The following ADGRL2 variants were observed in gnomAD, a reference collection of about 807,000 sequenced individuals.
ADGRL2 encodes the protein adhesion G protein-coupled receptor L2, also known as calcium-independent alpha-latrotoxin receptor 2.
ADGRL2 carries 44 observed loss-of-function variants against 157.4 expected under a neutral mutation model. The observed-to-expected ratio is 0.28, with a 90% confidence interval of 0.22 to 0.36. ADGRL2 has a LOEUF of 0.36. Among genes scored for constraint, ADGRL2 ranks in the 10% least tolerant of loss-of-function variants. The probability of loss-of-function intolerance (pLI) is 1.00; values close to 1 mark genes in which losing one functional copy is unlikely to be tolerated. For synonymous variants in ADGRL2, 585 were observed against 624.7 expected (o/e 0.94, Z 0.95); for missense variants, 1,510 against 1,768.9 (o/e 0.85, Z 2.63).
chr1:81,352,918 A>G (rs1332359170), intron 1 of ADGRL2, among the ~76,000 whole-genome samples: 1 of 152,172 alleles, frequency 6.6e-6, no homozygotes, highest in Non-Finnish European at 1.5e-5. Flanking sequence ...GGATTTGGGA[A>G]TGGGATAGAA....
At chr1:81,602,447 G>A (rs1030180924) in intron 3 of ADGRL2, among the ~76,000 whole-genome samples, 3 of 152,004 alleles carry the variant, frequency 2.0e-5, no homozygotes, top group African/African-American at 7.3e-5. Flanking sequence ...ACAAAAAATA[G>A]CCCGGCGTGG....
rs1437325796 is a variant in ADGRL2, at chr1:81,746,381, C to T, written c.-142-15430C>T. 2.0e-5 allele frequency among the ~76,000 whole-genome samples: 3 copies of T among 152,108 alleles called. No individual in the cohort carries two copies. The East Asian group carries it at 5.8e-4, about 29-fold the overall frequency. On this transcript the variant is annotated intron_variant, in intron 1 of 20. Coordinates refer to the ADGRL2 transcript ENST00000359929. ...ACAACTCACTGCAGCCTCAACCTCT[C>T]CAGGCTCAGGCAATCCTCCCACCTC...
At chr1:81,876,279 G>T (rs931545881) in intron 2 of ADGRL2, among the ~76,000 whole-genome samples, 4 of 152,052 alleles carry the variant, frequency 2.6e-5, no homozygotes, top group Non-Finnish European at 5.9e-5. Context: ...GCGGATACTT[G>T]TAAGTTAAAT....
chr1:81,338,566 C>T (rs377644798), intron 1 of ADGRL2, among the ~76,000 whole-genome samples: 2 of 152,140 alleles, frequency 1.3e-5, no homozygotes, highest in South Asian at 2.1e-4. Context: ...AAAGAAAATA[C>T]GGATCCAAGA....
At chr1:81,810,459 C>A (rs1412475229) in intron 1 of ADGRL2, among the ~76,000 whole-genome samples, 1 of 151,776 alleles carries the variant, frequency 6.6e-6, no homozygotes, top group African/African-American at 2.4e-5. Flanking sequence ...TAAAAGCCTA[C>A]CATTTTATAG....
At chr1:81,694,077 C>T (rs1157230360) in intron 3 of ADGRL2, among the ~76,000 whole-genome samples, 2 of 152,126 alleles carry the variant, frequency 1.3e-5, no homozygotes, top group East Asian at 1.9e-4. Flanking sequence ...TCCTAAGGGA[C>T]ATAAGCATAT....
At chr1:81,829,266 A>C (rs930615882) in intron 1 of ADGRL2, among the ~76,000 whole-genome samples, 8 of 152,190 alleles carry the variant, frequency 5.3e-5, no homozygotes, top group African/African-American at 1.9e-4. Context: ...TGGGAAGCCA[A>C]AGAATCTATT....
chr1:81,507,165 T>C (rs2148057932), intron 2 of ADGRL2, among the ~76,000 whole-genome samples: 1 of 152,240 alleles, frequency 6.6e-6, no homozygotes, highest in African/African-American at 2.4e-5. Flanking sequence ...GATAGGATGC[T>C]ACTTGAGGAA....
intron 1 of ADGRL2, among the ~76,000 whole-genome samples, chr1:81,707,435 G>T (rs72718848): frequency 0.017 from 2,562 of 152,274 alleles, 32 homozygotes; most frequent in South Asian, 0.051. Flanking sequence ...ATAGGAAAAG[G>T]CCTTGATGAT....
chr1:81,748,678 G>A (rs1442327856), intron 1 of ADGRL2, among the ~76,000 whole-genome samples: 1 of 150,014 alleles, frequency 6.7e-6, no homozygotes, highest in Non-Finnish European at 1.5e-5. Context: ...TTGTTTTTTG[G>A]TTTTTTTGAG....
chr1:81,316,674 G>C (rs1660128930), intron 1 of ADGRL2, among the ~76,000 whole-genome samples: 1 of 152,138 alleles, frequency 6.6e-6, no homozygotes, highest in African/African-American at 2.4e-5. Flanking sequence ...ATTCTGGAAA[G>C]TTTATAAAAT....
intron 1 of ADGRL2, among the ~76,000 whole-genome samples, chr1:81,310,784 C>G (rs897873851): frequency 4.6e-5 from 7 of 151,596 alleles, no homozygotes; most frequent in African/African-American, 1.5e-4. Flanking sequence ...GAGTGAGTCC[C>G]TTAGCCTGTG....
intron 1 of ADGRL2, among the ~76,000 whole-genome samples, chr1:81,376,543 T>TCTTCCTCCCTCC (rs2076253430): frequency 6.6e-6 from 1 of 151,884 alleles, no homozygotes. Flanking sequence ...TTCCTTCCTT[T>TCTTCCTCCCTCC]CTTCCTCCCT....
intron 2 of ADGRL2, among the ~76,000 whole-genome samples, chr1:81,519,760 G>GATACGGCT (rs1215258452): frequency 6.6e-6 from 1 of 152,152 alleles, no homozygotes; most frequent in Non-Finnish European, 1.5e-5. Context: ...CAAAGTGACA[G>GATACGGCT]ATACGGCTAA....
chr1:81,545,461 A>G (rs1335061608), intron 2 of ADGRL2, among the ~76,000 whole-genome samples: 1 of 151,870 alleles, frequency 6.6e-6, no homozygotes, highest in Non-Finnish European at 1.5e-5. Flanking sequence ...TTGTATTTTT[A>G]GTAGAGACAG....
At chr1:81,760,275 A>G (rs1460953618) in intron 1 of ADGRL2, among the ~76,000 whole-genome samples, 1 of 152,104 alleles carries the variant, frequency 6.6e-6, no homozygotes, top group Non-Finnish European at 1.5e-5. Flanking sequence ...ATATCTGATT[A>G]AAGTGTGCAT....
At chr1:81,337,684 T>C (rs1279987517) in intron 1 of ADGRL2, among the ~76,000 whole-genome samples, 1 of 152,200 alleles carries the variant, frequency 6.6e-6, no homozygotes, top group African/African-American at 2.4e-5. Flanking sequence ...GATCTACATT[T>C]TTTGAAGACC....
intron 1 of ADGRL2, among the ~76,000 whole-genome samples, chr1:81,425,474 G>GA (rs1335124775): frequency 2.0e-5 from 3 of 152,230 alleles, no homozygotes; most frequent in Admixed American, 6.5e-5. Context: ...CTTTTCAGGG[G>GA]AAAAAATATG....
intron 2 of ADGRL2, among the ~76,000 whole-genome samples, chr1:81,450,633 A>G (rs752408486): frequency 1.3e-5 from 2 of 151,978 alleles, no homozygotes; most frequent in Non-Finnish European, 2.9e-5. Context: ...CAGGAAGATG[A>G]CTGAGTTGAC....
Sources: allele counts gnomAD v4.1 joint callset (sites outside exome capture counted in the v4.1 genomes callset), GRCh38; gene constraint gnomAD v4.1.1; transcripts MANE v1.5; gene names NCBI Gene and HGNC (gene_info 2026-07-23, HGNC 2026-07-21).